LUC7L2: variants seen among roughly 807,000 people sequenced by gnomAD.
The protein encoded by LUC7L2 is putative RNA-binding protein Luc7-like 2.
In LUC7L2, 25 loss-of-function variants were observed where a neutral mutation model predicts 52.8. The ratio of observed to expected loss-of-function variants is 0.47; its 90% CI spans 0.34 to 0.66. The LOEUF (loss-of-function observed/expected upper bound fraction) is 0.66. Ranked by LOEUF, LUC7L2 falls within the 30% of genes least tolerant of loss-of-function variation. The pLI is 0.01. For missense variants in LUC7L2, 328 were observed against 497.8 expected (o/e 0.66, Z 3.25); for synonymous variants, 144 against 160.9 (o/e 0.89, Z 0.80).
At chr7:139,391,145 A>G (rs1375271759) in intron 2 of LUC7L2, among the ~76,000 whole-genome samples, 1 of 152,216 alleles carries the variant, frequency 6.6e-6, no homozygotes, top group Non-Finnish European at 1.5e-5. Context: ...TGCAGTGAGT[A>G]TTAATATATT....
chr7:139,400,756 A>G (rs1460398092), intron 3 of LUC7L2, among the ~76,000 whole-genome samples: 3 of 152,084 alleles, frequency 2.0e-5, no homozygotes, highest in African/African-American at 7.2e-5. Context: ...CTTTTCTCTC[A>G]CTGCTTTGAG....
upstream of LUC7L2, among the ~76,000 whole-genome samples, chr7:139,355,502 T>G (rs1799581475): frequency 6.6e-6 from 1 of 152,182 alleles, no homozygotes; most frequent in Non-Finnish European, 1.5e-5. Flanking sequence ...AATTGTTCAC[T>G]AAGGTCAAAG....
chr7:139,410,381 G>T (rs190917971), intron 7 of LUC7L2, among the ~76,000 whole-genome samples: 7 of 151,966 alleles, frequency 4.6e-5, no homozygotes, highest in Admixed American at 4.6e-4. Flanking sequence ...TTGAACTTTG[G>T]TTAGTTCCTC....
At position 139,386,188 on chromosome 7, in the gene LUC7L2, A is replaced by T. The variant is rs989258933; in HGVS notation, c.156+10032A>T. Among the ~76,000 whole-genome samples the T allele has an allele frequency of 3.3e-5, 5 of 151,628 alleles. No individual in the cohort carries two copies. In the South Asian group the frequency reaches 1.0e-3, roughly 32 times the overall value. On this transcript the variant is annotated intron_variant, in intron 2 of 9. Transcript: ENST00000354926. The stretch of plus-strand genomic sequence containing the variant: ...TGGCTAATTTTTGTATTTTTAGTAG[A>T]GATGGGGTTTCACCATGTTGGCTAA...
chr7:139,402,018 G>C (rs1376394500), intron 3 of LUC7L2, 119 bp from the exon 4 acceptor site: 1 of 1,072,534 alleles, frequency 9.3e-7, no homozygotes, highest in Non-Finnish European at 1.3e-6. Context: ...AATTACTGAC[G>C]TGAGCCACCG....
At chr7:139,379,655 C>T (rs1223533369) in intron 2 of LUC7L2, among the ~76,000 whole-genome samples, 1 of 143,466 alleles carries the variant, frequency 7.0e-6, no homozygotes, top group Non-Finnish European at 1.5e-5. Context: ...CTGCAACCTC[C>T]GCCTCCAGGT....
chr7:139,342,283 G>T (rs905186226), intron 1 of LUC7L2, among the ~76,000 whole-genome samples: 1 of 152,144 alleles, frequency 6.6e-6, no homozygotes, highest in African/African-American at 2.4e-5. Context: ...AGGGGCTGGG[G>T]TATAAAGAAG....
intron 1 of LUC7L2, chr7:139,345,456 G>C (rs1406223377): frequency 6.2e-7 from 1 of 1,610,984 alleles, no homozygotes; most frequent in Admixed American, 1.7e-5. Context: ...CTGTGGACCT[G>C]TATCTCTAGC....
chr7:139,342,197 T>G (rs1277116711), intron 1 of LUC7L2, among the ~76,000 whole-genome samples: 1 of 151,468 alleles, frequency 6.6e-6, no homozygotes, highest in Non-Finnish European at 1.5e-5. Context: ...GTCCTGTCCT[T>G]AAGACACTTG....
At chr7:139,392,929 T>A (rs903705998) in intron 2 of LUC7L2, among the ~76,000 whole-genome samples, 13 of 151,830 alleles carry the variant, frequency 8.6e-5, no homozygotes, top group African/African-American at 3.1e-4. Context: ...GCTGGAATTA[T>A]AGGCGTGAGC....
chr7:139,375,277 TAGG>T, intron 1 of LUC7L2: 2 of 985,242 alleles, frequency 2.0e-6, no homozygotes, highest in East Asian at 1.1e-4. Flanking sequence ...TTCTGTTGCT[TAGG>T]AGGTAGGTGT....
chr7:139,362,808 C>T (rs144888281), intron 1 of LUC7L2, among the ~76,000 whole-genome samples: 49 of 152,064 alleles, frequency 3.2e-4, no homozygotes, highest in African/African-American at 1.1e-3. Context: ...TTTCTTCCCC[C>T]TCCCCTTCCT....
At chr7:139,417,750 G>C (rs368417338) in intron 9 of LUC7L2, 21 bp downstream of exon 9, 127 of 1,604,388 alleles carry the variant, frequency 7.9e-5, no homozygotes, top group Non-Finnish European at 1.1e-4. Flanking sequence ...GTCAATCAGA[G>C]GATATGGAGC....
chr7:139,356,996 T>C (rs1381578590), upstream of LUC7L2, among the ~76,000 whole-genome samples: 1 of 152,080 alleles, frequency 6.6e-6, no homozygotes, highest in East Asian at 1.9e-4. Context: ...CAAGAGCATA[T>C]AACTTGGGAT....
intron 1 of LUC7L2, among the ~76,000 whole-genome samples, chr7:139,343,926 CAAAAA>C (rs1163028006): frequency 9.5e-6 from 1 of 104,890 alleles, no homozygotes; most frequent in Admixed American, 1.1e-4. Context: ...ACCCTGTCCC[CAAAAA>C]AAAAAAAAAA....
chr7:139,412,898 G>T (rs1795430454), intron 8 of LUC7L2: 1 of 165,618 alleles, frequency 6.0e-6, no homozygotes, highest in Non-Finnish European at 1.3e-5. Flanking sequence ...TACGTAAAAG[G>T]ATTAATTTTT....
At chr7:139,404,559 T>C (rs1795041719) in intron 4 of LUC7L2, among the ~76,000 whole-genome samples, 1 of 152,166 alleles carries the variant, frequency 6.6e-6, no homozygotes, top group African/African-American at 2.4e-5. Context: ...TAACATATTA[T>C]AATTGGCCAT....
upstream of LUC7L2, chr7:139,359,655 C>T (rs1585070595): frequency 5.0e-5 from 20 of 397,746 alleles, no homozygotes; most frequent in East Asian, 6.8e-4. Context: ...GCCGCCAGCC[C>T]TACAGCCGGG....
chr7:139,403,048 T>G (rs1794985500), intron 4 of LUC7L2, among the ~76,000 whole-genome samples: 6 of 152,232 alleles, frequency 3.9e-5, no homozygotes, highest in Admixed American at 3.9e-4. Context: ...CTTTTGAGAT[T>G]TGGCCTTTTT....
Sources: gnomAD v4.1 joint callset for allele counts (sites outside exome capture counted in the v4.1 genomes callset) on GRCh38, gnomAD v4.1.1 for gene constraint, MANE v1.5 for transcripts, NCBI Gene and HGNC (gene_info 2026-07-23, HGNC 2026-07-21) for gene names.